The following RCOR1 variants were observed in gnomAD, a reference collection of about 807,000 sequenced individuals.
RCOR1 encodes the protein REST corepressor 1.
In RCOR1, 12 loss-of-function variants were observed where a neutral mutation model predicts 64.0. That is an observed-to-expected ratio of 0.19 (90% CI 0.12 to 0.30). The LOEUF (loss-of-function observed/expected upper bound fraction) is 0.30, where lower values mean the gene tolerates loss of function less well. RCOR1 is among the 10% of genes least tolerant of loss of function. The probability of loss-of-function intolerance (pLI) is 1.00; values close to 1 mark genes in which losing one functional copy is unlikely to be tolerated. For missense variants in RCOR1, 502 were observed against 621.2 expected (o/e 0.81, Z 2.04); for synonymous variants, 279 against 227.2 (o/e 1.23, Z -2.05).
chr14:102,655,986 CACGT>C (rs1039209527), intron 2 of RCOR1: 1 of 963,448 alleles, frequency 1.0e-6, no homozygotes, highest in South Asian at 4.8e-5. Flanking sequence ...CACACACACA[CACGT>C]GAAATAAACC....
At chr14:102,677,247 C>G (rs1224204610) in intron 2 of RCOR1, among the ~76,000 whole-genome samples, 1 of 122,058 alleles carries the variant, frequency 8.2e-6, no homozygotes, top group Non-Finnish European at 1.7e-5. Flanking sequence ...GGTGGCTGGC[C>G]GGGCAGAGGG....
chr14:102,664,764 T>C (rs1367091570), intron 2 of RCOR1, among the ~76,000 whole-genome samples: 1 of 152,216 alleles, frequency 6.6e-6, no homozygotes, highest in African/African-American at 2.4e-5. Flanking sequence ...GTACTTATAA[T>C]ATGCTAGACA....
chr14:102,687,655 GTGAA>G (rs1240137865), intron 3 of RCOR1, among the ~76,000 whole-genome samples: 1 of 152,198 alleles, frequency 6.6e-6, no homozygotes, highest in Admixed American at 6.5e-5. Flanking sequence ...CAACAAAGGA[GTGAA>G]TGAAGTACAA....
intron 7 of RCOR1, among the ~76,000 whole-genome samples, chr14:102,711,908 G>A (rs1895968481): frequency 1.3e-5 from 2 of 152,058 alleles, no homozygotes; most frequent in South Asian, 4.2e-4. Context: ...AAATGTATAT[G>A]CCTGTATATT....
chr14:102,646,292 A>G, intron 2 of RCOR1, among the ~76,000 whole-genome samples: 1 of 152,192 alleles, frequency 6.6e-6, no homozygotes, highest in East Asian at 1.9e-4. Flanking sequence ...TTCCTTCTTA[A>G]CTGTGACTTA....
chr14:102,607,107 A>G (rs1161785124), intron 2 of RCOR1, among the ~76,000 whole-genome samples: 4 of 151,710 alleles, frequency 2.6e-5, no homozygotes, highest in Non-Finnish European at 4.4e-5. Context: ...CTGATTTTGT[A>G]TTTTTAGTAG....
intron 2 of RCOR1, among the ~76,000 whole-genome samples, chr14:102,660,041 A>G (rs774657399): frequency 6.6e-6 from 1 of 152,192 alleles, no homozygotes; most frequent in African/African-American, 2.4e-5. Context: ...GTATTATCTC[A>G]TTTAATTCTG....
intron 3 of RCOR1, among the ~76,000 whole-genome samples, chr14:102,690,817 A>G (rs1049053814): frequency 3.9e-5 from 6 of 152,140 alleles, no homozygotes; most frequent in Non-Finnish European, 8.8e-5. Context: ...CTGTAGTGTA[A>G]AACTGAGTGG....
At chr14:102,668,562 T>C (rs908980621) in intron 2 of RCOR1, among the ~76,000 whole-genome samples, 5 of 152,224 alleles carry the variant, frequency 3.3e-5, no homozygotes, top group African/African-American at 7.2e-5. Flanking sequence ...AAGCCCTTTC[T>C]GTCTGTCTTC....
chr14:102,602,394 C>CTTTTTTTTTTTTTTTT (rs66743592), intron 2 of RCOR1, among the ~76,000 whole-genome samples: 1 of 104,242 alleles, frequency 9.6e-6, no homozygotes, highest in African/African-American at 3.7e-5. Flanking sequence ...CTTTTCTTTT[C>CTTTTTTTTTTTTTTTT]TTTTTTTTTT....
intron 10 of RCOR1, 129 bp downstream of exon 10, chr14:102,721,506 ACAC>A: frequency 1.8e-6 from 1 of 555,108 alleles, no homozygotes; most frequent in Non-Finnish European, 3.2e-6. Context: ...ATCCATGATC[ACAC>A]CACTGCATTC....
chr14:102,705,911 T>G (rs75237597), intron 4 of RCOR1, among the ~76,000 whole-genome samples: 3 of 149,728 alleles, frequency 2.0e-5, no homozygotes, highest in Non-Finnish European at 3.0e-5. Context: ...AGCTCAGGAG[T>G]TGGAGACCAA....
chr14:102,618,306 A>G (rs1184391875), intron 2 of RCOR1, among the ~76,000 whole-genome samples: 2 of 151,738 alleles, frequency 1.3e-5, no homozygotes, highest in African/African-American at 2.4e-5. Flanking sequence ...TTTCATCAGT[A>G]TATATTTCTT....
At position 102,726,593 on chromosome 14, in the gene RCOR1, C is replaced by A; in HGVS notation, c.*87C>A. 1.8e-6 allele frequency: 2 copies of A among 1,120,906 alleles called. No homozygotes were observed. Among genetic ancestry groups the A allele is most frequent in the Non-Finnish European group, 2.6e-6 (2 of 758,854 alleles). 69.4% of individuals were successfully genotyped at this position (1,120,906 alleles called of 1,614,324 possible). A position where few individuals can be genotyped will look rare whatever the true frequency, so the allele number is the denominator to read the frequency against. ...TGAGACATCACCTAGCCATCTGCATCACATCTCTCTGGACAAGCAGCTATT... is the reference window on the plus strand; with the variant it reads ...TGAGACATCACCTAGCCATCTGCATAACATCTCTCTGGACAAGCAGCTATT... On this transcript the variant is annotated 3_prime_UTR_variant, in exon 12 of 12. Transcript: ENST00000262241.
At position 102,730,024 on chromosome 14, in the gene RCOR1, T is replaced by C. The variant is rs1461248373; in HGVS notation, c.*3518T>C. The C allele has an allele frequency of 5.0e-6, 2 of 398,940 alleles. No individual in the cohort carries two copies. Among genetic ancestry groups the C allele is most frequent in the African/African-American group, 4.1e-5 (2 of 48,638 alleles). The allele number at this position is 398,940 out of a possible 1,614,324, so 24.7% of individuals were successfully genotyped here. A position where few individuals can be genotyped will look rare whatever the true frequency, so the allele number is the denominator to read the frequency against. ...GTCCCTGAATCTCTGCAGCTTCTCT[T>C]ACCTGTCTTACCTGTAGTAAAGCAC... On this transcript the variant is annotated 3_prime_UTR_variant, in exon 12 of 12. Transcript: ENST00000262241.
intron 3 of RCOR1, among the ~76,000 whole-genome samples, chr14:102,684,499 C>T (rs532304594): frequency 6.6e-6 from 1 of 152,046 alleles, no homozygotes; most frequent in East Asian, 1.9e-4. Context: ...AGTCCACTAG[C>T]GAGAAGGCAG....
intron 2 of RCOR1, among the ~76,000 whole-genome samples, chr14:102,609,721 A>C (rs1229277278): frequency 6.7e-6 from 1 of 149,286 alleles, no homozygotes; most frequent in Non-Finnish European, 1.5e-5. Context: ...TGCTGGGATT[A>C]CAGGCGTGAA....
intron 2 of RCOR1, chr14:102,659,416 T>C (rs553753475): frequency 6.3e-6 from 2 of 318,144 alleles, no homozygotes; most frequent in Admixed American, 1.3e-4. Flanking sequence ...ATTCATCTTA[T>C]TTTACTGGAG....
At chr14:102,670,848 A>G (rs1895020015) in intron 2 of RCOR1, among the ~76,000 whole-genome samples, 1 of 151,716 alleles carries the variant, frequency 6.6e-6, no homozygotes, top group South Asian at 2.1e-4. Context: ...GTCTCAGTTC[A>G]CTGCAACCTC....
Sources: gnomAD v4.1 joint callset for allele counts (sites outside exome capture counted in the v4.1 genomes callset) on GRCh38, gnomAD v4.1.1 for gene constraint, MANE v1.5 for transcripts, NCBI Gene and HGNC (gene_info 2026-07-23, HGNC 2026-07-21) for gene names.